The following SLCO1A2 variants were observed in gnomAD, a reference collection of about 807,000 sequenced individuals.
SLCO1A2 encodes solute carrier organic anion transporter family member 1A2, also known as OATP-1.
In SLCO1A2, 67 loss-of-function variants were observed where a neutral mutation model predicts 69.0. That is an observed-to-expected ratio of 0.97 (90% CI 0.80 to 1.19). The LOEUF is 1.19. Ranked by LOEUF, SLCO1A2 falls within the 50% of genes most tolerant of loss-of-function variation. The pLI, the probability that SLCO1A2 is intolerant of heterozygous loss-of-function variation, is 0.00. For synonymous variants in SLCO1A2, 260 were observed against 265.9 expected (o/e 0.98, Z 0.22); for missense variants, 787 against 793.7 (o/e 0.99, Z 0.10).
intron 1 of SLCO1A2, among the ~76,000 whole-genome samples, chr12:21,403,815 A>G (rs1430501197): frequency 1.3e-5 from 2 of 149,996 alleles, no homozygotes; most frequent in Non-Finnish European, 3.0e-5. Flanking sequence ...TAATGGCACT[A>G]AACTTTGCTG....
intron 14 of SLCO1A2, 24 bp from the exon 15 acceptor site, chr12:21,269,791 T>C: frequency 3.2e-6 from 5 of 1,567,772 alleles, no homozygotes; most frequent in Non-Finnish European, 4.3e-6. Flanking sequence ...AGTTAAAACA[T>C]ATTAAATATT....
intron 2 of SLCO1A2, among the ~76,000 whole-genome samples, chr12:21,333,100 G>C (rs1275142459): frequency 2.0e-5 from 3 of 151,950 alleles, no homozygotes; most frequent in South Asian, 2.1e-4. Flanking sequence ...GTATTCTTAA[G>C]AGCAAACTAT....
Position 21,274,554 on chromosome 12 carries a change from A to G in SLCO1A2, c.1708T>C (p.Leu570=). 9.3e-6 allele frequency: 15 copies of G among 1,613,594 alleles called. No homozygotes were observed. The highest frequency in any genetic ancestry group is 1.2e-5 in the Non-Finnish European group (14 of 1,179,576). Residue 570 remains leucine (L), a synonymous_variant, in exon 14 of 15, where the codon TTA becomes CTA. Transcript: ENST00000683939. ...CAGTGTAAACATGTGGAATCCATTAAAGCGCCAAAATATATAGGTGCAGGA... is the reference window on the plus strand; with the variant it reads ...CAGTGTAAACATGTGGAATCCATTAGAGCGCCAAAATATATAGGTGCAGGA... The part of the protein sequence containing the change: ...GIPAPIYFGA[L]MDSTCLHWGT...
intron 12 of SLCO1A2, among the ~76,000 whole-genome samples, chr12:21,284,530 C>T (rs569454110): frequency 1.3e-5 from 2 of 151,062 alleles, no homozygotes; most frequent in South Asian, 2.1e-4. Flanking sequence ...CAGAATTCTC[C>T]ACCCCAAATC....
intron 6 of SLCO1A2, among the ~76,000 whole-genome samples, chr12:21,301,591 G>A (rs1253904880): frequency 6.6e-6 from 1 of 152,084 alleles, no homozygotes; most frequent in Non-Finnish European, 1.5e-5. Context: ...TATAACCAAG[G>A]TCCTGTTAAT....
intron 1 of SLCO1A2, among the ~76,000 whole-genome samples, chr12:21,391,807 A>G (rs1485233260): frequency 6.6e-6 from 1 of 152,010 alleles, no homozygotes; most frequent in African/African-American, 2.4e-5. Context: ...TTCTGGATTA[A>G]TATGTCTAGT....
At chr12:21,404,587 T>A (rs1158503692) in intron 1 of SLCO1A2, among the ~76,000 whole-genome samples, 1 of 152,236 alleles carries the variant, frequency 6.6e-6, no homozygotes, top group African/African-American at 2.4e-5. Flanking sequence ...CATGGCTGTG[T>A]AGTATTACAT....
At chr12:21,310,422 ATCT>A (rs1187544176) in intron 4 of SLCO1A2, among the ~76,000 whole-genome samples, 1 of 152,232 alleles carries the variant, frequency 6.6e-6, no homozygotes, top group East Asian at 1.9e-4. Flanking sequence ...GCGAGTCATC[ATCT>A]TCTGCTGGTA....
chr12:21,400,633 T>A (rs1941661083), intron 1 of SLCO1A2, among the ~76,000 whole-genome samples: 1 of 150,576 alleles, frequency 6.6e-6, no homozygotes, highest in Non-Finnish European at 1.5e-5. Context: ...AACCCAAATG[T>A]CCAACAATGA....
chr12:21,353,446 T>C (rs372528232), intron 2 of SLCO1A2, among the ~76,000 whole-genome samples: 5 of 151,616 alleles, frequency 3.3e-5, no homozygotes, highest in East Asian at 3.9e-4. Flanking sequence ...TCGTAGCCTC[T>C]TTCTTTATTT....
intron 1 of SLCO1A2, among the ~76,000 whole-genome samples, chr12:21,412,940 C>T (rs1238598082): frequency 6.6e-6 from 1 of 152,162 alleles, no homozygotes; most frequent in Non-Finnish European, 1.5e-5. Flanking sequence ...AGCCAGAAGT[C>T]CTCTCCCCAA....
chr12:21,273,463 T>G (rs1943252639), intron 14 of SLCO1A2, among the ~76,000 whole-genome samples: 1 of 152,220 alleles, frequency 6.6e-6, no homozygotes. Flanking sequence ...CTAGAATATC[T>G]TGGCTTCTGG....
intron 10 of SLCO1A2, 58 bp from the exon 11 acceptor site, chr12:21,294,168 T>C: frequency 7.6e-7 from 1 of 1,324,278 alleles, no homozygotes; most frequent in East Asian, 2.7e-5. Flanking sequence ...CCTTTTTTTC[T>C]TCTTTTCATC....
At chr12:21,413,070 G>C (rs1452042723) in intron 1 of SLCO1A2, among the ~76,000 whole-genome samples, 2 of 152,058 alleles carry the variant, frequency 1.3e-5, no homozygotes, top group East Asian at 3.9e-4. Flanking sequence ...AGAAATATTT[G>C]TGTGCCTCTT....
At chr12:21,319,035 C>A (rs1197068526) in intron 2 of SLCO1A2, 112 bp from the exon 3 acceptor site, 2 of 811,126 alleles carry the variant, frequency 2.5e-6, no homozygotes, top group African/African-American at 1.7e-5. Context: ...ACTTAAGTAA[C>A]CTTTGAATTT....
intron 2 of SLCO1A2, among the ~76,000 whole-genome samples, chr12:21,372,241 T>C (rs750262585): frequency 2.8e-4 from 43 of 152,198 alleles, no homozygotes; most frequent in Non-Finnish European, 5.9e-4. Flanking sequence ...CTTGACTACA[T>C]ATACCTATGG....
chr12:21,382,785 C>T (rs1176478353), intron 1 of SLCO1A2, among the ~76,000 whole-genome samples: 2 of 136,596 alleles, frequency 1.5e-5, no homozygotes. Flanking sequence ...ACAGAAGAAA[C>T]TCCGTCTCAA....
chr12:21,280,472 G>C (rs1944586509), intron 12 of SLCO1A2, among the ~76,000 whole-genome samples: 1 of 151,956 alleles, frequency 6.6e-6, no homozygotes, highest in African/African-American at 2.4e-5. Context: ...AAAACTGTAA[G>C]AAGAGACGAA....
At chr12:21,300,078 A>G (rs929851641) in intron 8 of SLCO1A2, among the ~76,000 whole-genome samples, 1 of 148,804 alleles carries the variant, frequency 6.7e-6, no homozygotes, top group Non-Finnish European at 1.5e-5. Context: ...GTGTATATAT[A>G]TATGAAAGAG....
Sources: allele counts gnomAD v4.1 joint callset (sites outside exome capture counted in the v4.1 genomes callset), GRCh38; gene constraint gnomAD v4.1.1; transcripts MANE v1.5; gene names NCBI Gene and HGNC (gene_info 2026-07-23, HGNC 2026-07-21).